Variants in AFF1 observed in about 807,000 individuals in gnomAD.
The protein encoded by AFF1 is ALF transcription elongation factor 1.
Under a neutral mutation model 121.7 loss-of-function variants are expected in AFF1, and 48 were observed. That is an observed-to-expected ratio of 0.39 (90% CI 0.31 to 0.50). The LOEUF is 0.50. Ranked by LOEUF, AFF1 falls within the 20% of genes least tolerant of loss-of-function variation. The pLI is 0.76. For synonymous variants in AFF1, 613 were observed against 563.0 expected (o/e 1.09, Z -1.26); for missense variants, 1,523 against 1,511.7 (o/e 1.01, Z -0.12).
Position 87,090,028 on chromosome 4 carries a change from G to T in AFF1, c.1149G>T (p.Thr383=). The T allele has an allele frequency of 6.2e-7, 1 of 1,613,734 alleles. No homozygotes were observed. The highest frequency in any genetic ancestry group is 8.5e-7 in the Non-Finnish European group (1 of 1,179,920). The change falls in exon 6 of 21, where the codon ACG becomes ACT. Residue 383 remains threonine (T), a synonymous_variant. Transcript: ENST00000395146. Reference sequence around the variant, plus strand: ...CGCCTCCTTTGACAGCAATACATACGCCTAGTACAGCTGAGCCATCCAAGT... The same window carrying T: ...CGCCTCCTTTGACAGCAATACATACTCCTAGTACAGCTGAGCCATCCAAGT... ...SWPPPLTAIH[T]PSTAEPSKFP...
At chr4:86,953,584 T>C (rs1022438297) in intron 2 of AFF1, among the ~76,000 whole-genome samples, 16 of 152,350 alleles carry the variant, frequency 1.1e-4, no homozygotes, top group African/African-American at 3.6e-4. Context: ...TTGACACTGT[T>C]GAATTTGAGC....
chr4:87,059,022 C>T (rs955206340), intron 4 of AFF1, among the ~76,000 whole-genome samples: 17 of 152,180 alleles, frequency 1.1e-4, no homozygotes, highest in Admixed American at 6.5e-4. Flanking sequence ...CCTTTTTGTA[C>T]GTGCCTTAAT....
chr4:86,984,438 T>G (rs1321022537), intron 2 of AFF1, among the ~76,000 whole-genome samples: 1 of 151,804 alleles, frequency 6.6e-6, no homozygotes, highest in Non-Finnish European at 1.5e-5. Flanking sequence ...GCAATTCTGC[T>G]TCAGCCTCCC....
Position 87,067,512 on chromosome 4 carries a change from T to TG in AFF1, c.1060-16606dup, listed in dbSNP as rs543610094. Among the ~76,000 whole-genome samples the TG allele has an allele frequency of 5.2e-3, 793 of 152,326 alleles. 4 individuals are homozygous for TG. The highest frequency in any genetic ancestry group is 9.0e-3 in the Non-Finnish European group (613 of 68,016). Reference sequence around the variant, plus strand: ...CAGTGAGAAGTGGATTCTAGGGTGTTGGATTCACATTTGTGGCTAACCAAG... The same window carrying TG: ...CAGTGAGAAGTGGATTCTAGGGTGTTGGGATTCACATTTGTGGCTAACCAAG... On this transcript the variant is annotated intron_variant, in intron 4 of 20. Coordinates refer to ENST00000395146, the MANE Select transcript of AFF1 (RefSeq NM_001166693.3).
At chr4:86,997,528 C>T (rs112114500) in intron 2 of AFF1, among the ~76,000 whole-genome samples, 6,350 of 151,770 alleles carry the variant, frequency 0.042, 422 homozygotes, top group African/African-American at 0.15. Flanking sequence ...TTTGGGAGGC[C>T]GAGGCAGGTG....
intron 4 of AFF1, among the ~76,000 whole-genome samples, chr4:87,060,772 G>T (rs1381700203): frequency 7.2e-6 from 1 of 139,098 alleles, no homozygotes; most frequent in Non-Finnish European, 1.6e-5. Flanking sequence ...CTGGGAGGCG[G>T]AGGTTGCAGT....
intron 4 of AFF1, among the ~76,000 whole-genome samples, chr4:87,053,314 G>T (rs796727751): frequency 5.3e-5 from 8 of 152,228 alleles, no homozygotes; most frequent in African/African-American, 1.9e-4. Flanking sequence ...TAATTTCCAA[G>T]ACCCAAGTGT....
intron 2 of AFF1, among the ~76,000 whole-genome samples, chr4:86,998,098 C>CAGAAAAAAAAAAAAAA (rs1725364068): frequency 1.1e-5 from 1 of 91,746 alleles, no homozygotes; most frequent in Non-Finnish European, 2.1e-5. Context: ...AACTCCGTCT[C>CAGAAAAAAAAAAAAAA]AAAAAAAAAA....
Position 87,024,461 on chromosome 4 carries a change from G to A in AFF1, c.39-21705G>A, listed in dbSNP as rs116273232. Among the ~76,000 whole-genome samples, 696 of 152,192 alleles carry A rather than the reference G, an allele frequency of 4.6e-3. 7 individuals are homozygous for A. Among genetic ancestry groups the A allele is most frequent in the African/African-American group, 0.016 (669 of 41,502 alleles). On this transcript the variant is annotated intron_variant, in intron 2 of 20. Coordinates refer to ENST00000395146, the MANE Select transcript of AFF1 (RefSeq NM_001166693.3). ...TTTCTCCAGCTTGGTTACTGCATGGGGAATTTGGAGAGAGATGGTAGGGTA... is the reference window on the plus strand; with the variant it reads ...TTTCTCCAGCTTGGTTACTGCATGGAGAATTTGGAGAGAGATGGTAGGGTA...
At chr4:86,976,753 TAAAGTAAAAGTTAAGAAAAAGA>T (rs1286686602) in intron 2 of AFF1, among the ~76,000 whole-genome samples, 5 of 152,102 alleles carry the variant, frequency 3.3e-5, no homozygotes, top group African/African-American at 1.2e-4. Context: ...CCCCTGAACC[TAAAGTAAAAGTTAAGAAAAAGA>T]AATGGGCTCT....
chr4:86,986,270 C>T (rs1454402225), intron 2 of AFF1, among the ~76,000 whole-genome samples: 2 of 152,006 alleles, frequency 1.3e-5, no homozygotes, highest in Non-Finnish European at 2.9e-5. Flanking sequence ...CAGGGTTTCA[C>T]CATGTTGGCC....
At chr4:86,987,629 C>A (rs1041981781) in intron 2 of AFF1, among the ~76,000 whole-genome samples, 14 of 152,136 alleles carry the variant, frequency 9.2e-5, no homozygotes, top group African/African-American at 2.9e-4. Context: ...CACACCACCC[C>A]CTTTTTGCAA....
intron 2 of AFF1, among the ~76,000 whole-genome samples, chr4:86,950,628 T>G (rs755198871): frequency 2.6e-5 from 4 of 152,222 alleles, no homozygotes; most frequent in Non-Finnish European, 5.9e-5. Flanking sequence ...CCAAATGTTC[T>G]CCTACTTCTC....
At chr4:86,939,170 A>G (rs1720275322) in intron 1 of AFF1, among the ~76,000 whole-genome samples, 1 of 152,208 alleles carries the variant, frequency 6.6e-6, no homozygotes, top group Non-Finnish European at 1.5e-5. Flanking sequence ...TTGGCACTTC[A>G]CTGTTTACCA....
chr4:86,965,244 T>C (rs559562854), intron 2 of AFF1, among the ~76,000 whole-genome samples: 1 of 152,384 alleles, frequency 6.6e-6, no homozygotes, highest in East Asian at 1.9e-4. Flanking sequence ...GATTTACTGC[T>C]ACCTATTTGT....
rs533577714 is a variant in AFF1, at chr4:87,078,737, C to A, written c.1060-5383C>A. ...CAAATAGTGAAGACTGAACAGTAAT[C>A]CAAAAGGTGGTGACACATTTGAAGA... On this transcript the variant is annotated intron_variant, in intron 4 of 20. Coordinates refer to ENST00000395146, the MANE Select transcript of AFF1 (RefSeq NM_001166693.3). 6.6e-5 allele frequency among the ~76,000 whole-genome samples: 10 copies of A among 152,150 alleles called. No homozygotes were observed. The East Asian group carries it at 1.9e-3, about 29-fold the overall frequency.
At chr4:86,969,838 C>T (rs1042964953) in intron 2 of AFF1, among the ~76,000 whole-genome samples, 7 of 123,668 alleles carry the variant, frequency 5.7e-5, no homozygotes, top group African/African-American at 2.1e-4. Flanking sequence ...CGAGATAGCA[C>T]CACTGCACTC....
At chr4:86,960,843 C>G (rs1234537359) in intron 2 of AFF1, among the ~76,000 whole-genome samples, 1 of 152,166 alleles carries the variant, frequency 6.6e-6, no homozygotes, top group Non-Finnish European at 1.5e-5. Flanking sequence ...AACTGGAGGT[C>G]AGAGACTGCC....
At chr4:87,104,229 G>C (rs1725694075) in intron 8 of AFF1, among the ~76,000 whole-genome samples, 1 of 152,116 alleles carries the variant, frequency 6.6e-6, no homozygotes, top group South Asian at 2.1e-4. Context: ...AGCATAGTAA[G>C]ACCTCATCTC....
Sources: allele counts gnomAD v4.1 joint callset (sites outside exome capture counted in the v4.1 genomes callset), GRCh38; gene constraint gnomAD v4.1.1; transcripts MANE v1.5; gene names NCBI Gene and HGNC (gene_info 2026-07-23, HGNC 2026-07-21).